ADAM33: variants seen among roughly 807,000 people sequenced by gnomAD.
ADAM33 encodes the protein disintegrin and metalloproteinase domain-containing protein 33.
In ADAM33, 103 loss-of-function variants were observed where a neutral mutation model predicts 106.2. The observed-to-expected ratio is 0.97, with a 90% CI of 0.83 to 1.14. The LOEUF (loss-of-function observed/expected upper bound fraction) is 1.14. Among genes scored for constraint, ADAM33 ranks in the 50% most tolerant of loss-of-function variants. The pLI is 0.00. For missense variants in ADAM33, 1,120 were observed against 1,096.6 expected (o/e 1.02, Z -0.30); for synonymous variants, 483 against 453.0 (o/e 1.07, Z -0.84).
rs939821131 is a variant in ADAM33, at chr20:3,675,345, G to C, written c.255-240C>G. Among the ~76,000 whole-genome samples the C allele has an allele frequency of 6.6e-6, 1 of 152,178 alleles. No homozygotes were observed. The highest frequency in any genetic ancestry group is 2.4e-5 in the African/African-American group (1 of 41,430). On this transcript the variant is annotated intron_variant, in intron 3 of 21. Transcript: ENST00000356518. The surrounding 1 kb of genome is among the most constrained non-coding windows in gnomAD (Gnocchi z 4.1). ...AGGTGTGAATATGGGAAGCACCAGG[G>C]AGGACGCCGGGGAGGAGTGGGAATA... is the stretch of plus-strand genomic sequence containing the variant.
intron 3 of ADAM33, 146 bp downstream of exon 3, chr20:3,676,921 C>G (rs910355370): frequency 2.4e-6 from 2 of 837,564 alleles, no homozygotes; most frequent in African/African-American, 3.6e-5. Flanking sequence ...CTCCAGGGAG[C>G]CAACCACAGG....
In ADAM33 at chr20:3,668,342, C is replaced by G. The variant is rs192328739; in HGVS notation, c.*621G>C. On this transcript the variant is annotated 3_prime_UTR_variant, in exon 22 of 22. Transcript: ENST00000356518. ...TCTTAAATGGTTCCCTCTGTCCCCCCGACACACACAGAATGGGGGAGAGGC... is the reference window on the plus strand; with the variant it reads ...TCTTAAATGGTTCCCTCTGTCCCCCGGACACACACAGAATGGGGGAGAGGC... 1.3e-5 allele frequency: 2 copies of G among 153,512 alleles called. No homozygotes were observed. The highest frequency in any genetic ancestry group is 2.9e-5 in the Non-Finnish European group (2 of 68,898). 9.5% of individuals were successfully genotyped at this position (153,512 alleles called of 1,614,324 possible).
rs780612505 is a variant in ADAM33, at chr20:3,672,904, G to A, written c.1134-6C>T. 1.4e-4 allele frequency: 213 copies of A among 1,558,018 alleles called. No individual in the cohort carries two copies. The highest frequency in any genetic ancestry group is 1.7e-4 in the Non-Finnish European group (202 of 1,161,872). ...ACACGCGCGGAAACGGGTGCCTACC[G>A]GCACGGGGAGGGCATTGGGCATGGA... On this transcript the variant is annotated splice_region_variant and splice_polypyrimidine_tract_variant and intron_variant, in intron 11 of 21. Transcript: ENST00000356518.
rs2087642621 is a variant in ADAM33, at chr20:3,672,881, ACG to A, written c.1149_1150del (p.Phe385GlnfsTer47). The A allele has an allele frequency of 6.4e-7, 1 of 1,573,924 alleles. No homozygotes were observed. The highest frequency in any genetic ancestry group is 8.6e-7 in the Non-Finnish European group (1 of 1,169,372). On this transcript the variant is annotated frameshift_variant, in exon 12 of 22. Coordinates refer to ENST00000356518, the MANE Select transcript of ADAM33 (RefSeq NM_025220.5). LOFTEE classifies it high-confidence loss of function. Reference sequence around the variant, plus strand: ...CTGGCGGCGGCTGCAGGCGCTGAACACGCGCGGAAACGGGTGCCTACCGGCAC... The same window carrying A: ...CTGGCGGCGGCTGCAGGCGCTGAACACGCGGAAACGGGTGCCTACCGGCAC...
At chr20:3,680,772 G>A (rs889497445) in intron 1 of ADAM33, among the ~76,000 whole-genome samples, 2 of 152,228 alleles carry the variant, frequency 1.3e-5, no homozygotes, top group East Asian at 1.9e-4. Context: ...CAGGTGTGGT[G>A]TGGGTGCAGT....
At chr20:3,681,196 A>G (rs2088461807) in intron 1 of ADAM33, among the ~76,000 whole-genome samples, 1 of 152,160 alleles carries the variant, frequency 6.6e-6, no homozygotes, top group African/African-American at 2.4e-5. Context: ...GGACTGGCTA[A>G]TCCTCCCACC....
intron 19 of ADAM33, 140 bp downstream of exon 19, chr20:3,670,866 A>G (rs1441592425): frequency 1.4e-5 from 17 of 1,215,144 alleles, no homozygotes; most frequent in Non-Finnish European, 1.8e-5. Context: ...GTTCAAAGCT[A>G]CTTCTTTCCA....
At position 3,671,056 on chromosome 20, in the gene ADAM33, G is replaced by C; in HGVS notation, c.2190C>G (p.Ala730=). Reference sequence around the variant, plus strand: ...AGCCCCAGCTGCATCGCTGCAGATGGGCTCCTGGGAGTCGGTAGCAACACC... The same window carrying C: ...AGCCCCAGCTGCATCGCTGCAGATGCGCTCCTGGGAGTCGGTAGCAACACC... ...LAWCCYRLPG[A]HLQRCSWGCR... Residue 730 remains alanine (A), a synonymous_variant, in exon 19 of 22, where the codon GCC becomes GCG. Transcript: ENST00000356518. The C allele has an allele frequency of 1.3e-6, 2 of 1,566,754 alleles. No homozygotes were observed. The highest frequency in any genetic ancestry group is 1.7e-6 in the Non-Finnish European group (2 of 1,156,132).
rs1448700000 is a variant in ADAM33, at chr20:3,668,809, G to A, written c.*154C>T. On this transcript the variant is annotated 3_prime_UTR_variant, in exon 22 of 22. Coordinates refer to ENST00000356518, the MANE Select transcript of ADAM33 (RefSeq NM_025220.5). The stretch of plus-strand genomic sequence containing the variant: ...ATGTGGCTCTGGGTTCCTGGAGTGG[G>A]TGGGTCGAAGCTCCACTCGGGGAAG... The A allele has an allele frequency of 1.3e-5, 11 of 868,420 alleles. No individual in the cohort carries two copies. The highest frequency in any genetic ancestry group is 1.9e-5 in the Non-Finnish European group (10 of 525,658). 53.8% of individuals were successfully genotyped at this position (868,420 alleles called of 1,614,324 possible). A position where few individuals can be genotyped will look rare whatever the true frequency, so the allele number is the denominator to read the frequency against.
rs994599931 is a variant in ADAM33, at chr20:3,672,516, C to G, written c.1401+21G>C. 1.9e-6 allele frequency: 3 copies of G among 1,611,610 alleles called. No individual in the cohort carries two copies. In the South Asian group the frequency reaches 3.3e-5, roughly 18 times the overall value. On this transcript the variant is annotated intron_variant, in intron 13 of 21. Coordinates refer to ENST00000356518, the MANE Select transcript of ADAM33 (RefSeq NM_025220.5). ...TCCCAAGCTCCCCGAAACCCTCACC[C>G]TGAACCTTCCATGCCCTCACCAGGC...
rs1284790586 is a variant in ADAM33, at chr20:3,671,660, G to A, written c.1826C>T (p.Ala609Val). Residue 609 changes from alanine (A) to valine (V), a missense_variant, in exon 16 of 22, where the codon GCC becomes GTC. Transcript: ENST00000356518. The stretch of plus-strand genomic sequence containing the variant: ...CAGCTGGGCACTGGGGAGTGCCAAG[G>A]CTCCCCGACAAGTCACTTCCTGGCC... ...LDGQEVTCRGALALPSAQLDL... is the reference protein window; with the variant it reads ...LDGQEVTCRGVLALPSAQLDL... 5.1e-6 allele frequency: 8 copies of A among 1,579,720 alleles called. No homozygotes were observed. Among genetic ancestry groups the A allele is most frequent in the Middle Eastern group, 3.3e-4 (2 of 6,038 alleles).
At chr20:3,672,095 G>C in intron 14 of ADAM33, 39 bp downstream of exon 14, 4 of 1,597,420 alleles carry the variant, frequency 2.5e-6, no homozygotes, top group Non-Finnish European at 3.4e-6. Context: ...CCCACCAGAG[G>C]ATGGGGGGCA....
rs776028578 is a variant in ADAM33, at chr20:3,675,092, G to A, written c.268C>T (p.Pro90Ser). Residue 90 changes from proline (P) to serine (S), a missense_variant, in exon 4 of 22, where the codon CCA becomes TCA. Transcript: ENST00000356518. The surrounding 1 kb of genome is among the most constrained non-coding windows in gnomAD (Gnocchi z 4.1). ...CCGTAGTGGGTTTCTATGTATCCTG[G>A]GGCCAGCAGCCTGCTGAGAGGGGGT... Reference protein sequence around the residue: ...ELEKNHRLLAPGYIETHYGPD... With the variant: ...ELEKNHRLLASGYIETHYGPD... 1.2e-6 allele frequency: 2 copies of A among 1,612,816 alleles called. No homozygotes were observed. The highest frequency in any genetic ancestry group is 1.7e-5 in the Admixed American group (1 of 59,986).
At chr20:3,670,217 C>T (rs934752185) in intron 19 of ADAM33, 1 of 166,908 alleles carries the variant, frequency 6.0e-6, no homozygotes, top group South Asian at 1.6e-4. Flanking sequence ...AATCACAACT[C>T]GCTTTGTCAG....
At chr20:3,674,719 G>A (rs200694116) in intron 5 of ADAM33, 26 bp from the exon 6 acceptor site, 2 of 1,595,344 alleles carry the variant, frequency 1.3e-6, no homozygotes, top group Admixed American at 1.7e-5. Context: ...GTAGGAGCGG[G>A]TGTGAGGGAG....
At chr20:3,669,248 G>A (rs1465911639) in intron 21 of ADAM33, 51 bp downstream of exon 21, 2 of 1,495,562 alleles carry the variant, frequency 1.3e-6, no homozygotes, top group Non-Finnish European at 1.8e-6. Context: ...TGGGAGAGGT[G>A]GGAGGGTGGG....
At chr20:3,671,801 G>A (rs370328117) in intron 15 of ADAM33, 22 bp from the exon 16 acceptor site, 242 of 1,553,272 alleles carry the variant, frequency 1.6e-4, no homozygotes, top group Admixed American at 6.2e-4. Context: ...GTAGAGGGGG[G>A]TCAACAGCTG....
At chr20:3,669,688 G>T (rs1434036441) in intron 19 of ADAM33, 51 bp from the exon 20 acceptor site, 1 of 1,503,576 alleles carries the variant, frequency 6.7e-7, no homozygotes, top group Admixed American at 1.9e-5. Context: ...TCCTGAGTGG[G>T]TTATTGCCTC....
intron 14 of ADAM33, 60 bp downstream of exon 14, chr20:3,672,074 A>C (rs1460080353): frequency 1.9e-6 from 3 of 1,583,710 alleles, no homozygotes; most frequent in Non-Finnish European, 2.6e-6. Flanking sequence ...TCCCCACAGT[A>C]GAAAACTGGC....
Sources: gnomAD v4.1 joint callset for allele counts (sites outside exome capture counted in the v4.1 genomes callset) on GRCh38, gnomAD v4.1.1 for gene constraint, Gnocchi (gnomAD v3.1) non-coding constraint, MANE v1.5 for transcripts, NCBI Gene and HGNC (gene_info 2026-07-23, HGNC 2026-07-21) for gene names.